Variants in TTC7B observed in about 807,000 individuals in gnomAD.
TTC7B encodes tetratricopeptide repeat domain 7B, also known as tetratricopeptide repeat protein 7B.
Under a neutral mutation model 106.8 loss-of-function variants are expected in TTC7B, and 28 were observed. The ratio of observed to expected loss-of-function variants is 0.26; its 90% CI spans 0.19 to 0.36. TTC7B has a LOEUF of 0.36. Among genes scored for constraint, TTC7B ranks in the 10% least tolerant of loss-of-function variants. TTC7B has a pLI of 1.00. For synonymous variants in TTC7B, 405 were observed against 430.6 expected (o/e 0.94, Z 0.74); for missense variants, 862 against 1,076.4 (o/e 0.80, Z 2.79).
At chr14:90,679,272 T>C (rs1208300659) in intron 8 of TTC7B, among the ~76,000 whole-genome samples, 1 of 152,162 alleles carries the variant, frequency 6.6e-6, no homozygotes, top group Non-Finnish European at 1.5e-5. Flanking sequence ...CAGTGGACCA[T>C]TCAAAGTTTT....
Position 90,531,524 on chromosome 14 carries a change from CAGG to C in TTC7B, c.*9841_*9843del, listed in dbSNP as rs1448260095. 2.0e-5 allele frequency: 3 copies of C among 150,072 alleles called. No homozygotes were observed. Among genetic ancestry groups the C allele is most frequent in the Non-Finnish European group, 4.4e-5 (3 of 67,856 alleles). The allele number at this position is 150,072 out of a possible 1,614,324, so 9.3% of individuals were successfully genotyped here. On this transcript the variant is annotated 3_prime_UTR_variant, in exon 20 of 20. Coordinates refer to ENST00000328459, the MANE Select transcript of TTC7B (RefSeq NM_001010854.2). ...ATCCCAGCCACTCGGGAGGCTGAGTCAGGAGAACAGCTTGAACCCAGGAGGCGG... is the reference window on the plus strand; with the variant it reads ...ATCCCAGCCACTCGGGAGGCTGAGTCAGAACAGCTTGAACCCAGGAGGCGG...
At chr14:90,689,792 A>G (rs1887397861) in intron 6 of TTC7B, 80 bp from the exon 7 acceptor site, 1 of 1,494,884 alleles carries the variant, frequency 6.7e-7, no homozygotes, top group East Asian at 2.3e-5. Context: ...ATAAATATTT[A>G]TATCATCACA....
intron 15 of TTC7B, among the ~76,000 whole-genome samples, chr14:90,633,353 G>T (rs942173528): frequency 6.6e-6 from 1 of 152,186 alleles, no homozygotes; most frequent in Non-Finnish European, 1.5e-5. Context: ...AAAAATCTAT[G>T]GAAGAATTGC....
intron 3 of TTC7B, among the ~76,000 whole-genome samples, chr14:90,767,526 C>T (rs552415297): frequency 6.6e-6 from 1 of 152,234 alleles, no homozygotes; most frequent in East Asian, 1.9e-4. Flanking sequence ...AGTCCAGCCC[C>T]CTTTTCCTTC....
chr14:90,552,222 C>T (rs910790089), intron 19 of TTC7B, among the ~76,000 whole-genome samples: 15 of 152,250 alleles, frequency 9.9e-5, no homozygotes, highest in African/African-American at 3.6e-4. Context: ...GGGACTCACA[C>T]GCTGCCACTC....
At chr14:90,670,204 A>G (rs1886578553) in intron 9 of TTC7B, among the ~76,000 whole-genome samples, 1 of 152,250 alleles carries the variant, frequency 6.6e-6, no homozygotes, top group South Asian at 2.1e-4. Flanking sequence ...TTGTTATAAC[A>G]TGGCTGAATC....
Position 90,525,611 on chromosome 14 carries a change from G to C in TTC7B, c.*15757C>G, listed in dbSNP as rs1047201255. 1.3e-5 allele frequency: 2 copies of C among 150,862 alleles called. No individual in the cohort carries two copies. The highest frequency in any genetic ancestry group is 3.0e-5 in the Non-Finnish European group (2 of 67,794). The allele number at this position is 150,862 out of a possible 1,614,324, so 9.3% of individuals were successfully genotyped here. The stretch of plus-strand genomic sequence containing the variant: ...AGACGCTGCTAGTGGTTCCGCAGTC[G>C]TCGCTGGGTCAGCTGTTTCGAGCGG... On this transcript the variant is annotated 3_prime_UTR_variant, in exon 20 of 20. Coordinates refer to ENST00000328459, the MANE Select transcript of TTC7B (RefSeq NM_001010854.2).
At chr14:90,622,940 C>T (rs541673120) in intron 15 of TTC7B, among the ~76,000 whole-genome samples, 2 of 152,260 alleles carry the variant, frequency 1.3e-5, no homozygotes, top group Non-Finnish European at 1.5e-5. Flanking sequence ...CCATCACCTA[C>T]GCCCCCACTC....
intron 4 of TTC7B, among the ~76,000 whole-genome samples, chr14:90,741,350 C>G (rs1889755395): frequency 6.6e-6 from 1 of 152,192 alleles, no homozygotes; most frequent in Non-Finnish European, 1.5e-5. Flanking sequence ...TCCAAAAACC[C>G]TCCCCAAATT....
At chr14:90,783,210 G>T (rs535291327) in intron 2 of TTC7B, among the ~76,000 whole-genome samples, 1 of 152,312 alleles carries the variant, frequency 6.6e-6, no homozygotes, top group South Asian at 2.1e-4. Flanking sequence ...CAGATGTCCT[G>T]ACTCCTAGTC....
At chr14:90,738,166 T>A (rs2139996312) in intron 4 of TTC7B, among the ~76,000 whole-genome samples, 1 of 152,256 alleles carries the variant, frequency 6.6e-6, no homozygotes, top group South Asian at 2.1e-4. Context: ...ATTAAAAAAA[T>A]TTCAACCTCA....
intron 15 of TTC7B, among the ~76,000 whole-genome samples, chr14:90,626,150 T>C (rs1884429406): frequency 6.6e-6 from 1 of 152,142 alleles, no homozygotes. Context: ...CCTGCCATGG[T>C]CTGATTTTAA....
intron 6 of TTC7B, among the ~76,000 whole-genome samples, chr14:90,692,213 TTTTG>T (rs1448833742): frequency 6.6e-6 from 1 of 152,210 alleles, no homozygotes; most frequent in Non-Finnish European, 1.5e-5. Flanking sequence ...CTGTGGTTTT[TTTTG>T]TTTGTTTTGA....
chr14:90,703,491 T>C (rs1422085723), intron 5 of TTC7B, among the ~76,000 whole-genome samples: 2 of 152,052 alleles, frequency 1.3e-5, no homozygotes, highest in African/African-American at 4.8e-5. Context: ...TTCCATTCAA[T>C]TGACAGGAGA....
At position 90,763,526 on chromosome 14, in the gene TTC7B, A is replaced by C. The variant is rs138898960; in HGVS notation, c.445+17212T>G. On this transcript the variant is annotated intron_variant, in intron 3 of 19. Coordinates refer to ENST00000328459, the MANE Select transcript of TTC7B (RefSeq NM_001010854.2). ...CTATCCAGCACAATTAGGCAATACA[A>C]AGCAACAAAGTCATCCAGATTGGAA... Among the ~76,000 whole-genome samples, 218 of 152,312 alleles carry C rather than the reference A, an allele frequency of 1.4e-3. 1 individual carries two copies. The highest frequency in any genetic ancestry group is 4.8e-3 in the African/African-American group (201 of 41,560).
chr14:90,587,198 C>T (rs971192377), intron 18 of TTC7B, among the ~76,000 whole-genome samples: 1 of 152,196 alleles, frequency 6.6e-6, no homozygotes, highest in Admixed American at 6.5e-5. Context: ...CGGACTCAGG[C>T]AATCCTCCCA....
In TTC7B at chr14:90,596,856, A is replaced by G. The variant is rs567343733; in HGVS notation, c.1967-3230T>C. Among the ~76,000 whole-genome samples, 5 of 152,330 alleles carry G rather than the reference A, an allele frequency of 3.3e-5. No homozygotes were observed. In the East Asian group the frequency reaches 7.7e-4, roughly 23 times the overall value. ...TGCAGGGAATGAACGAGTGCTGTCA[A>G]TAGACACTTCACTGTCTGAAATTCA... is the stretch of plus-strand genomic sequence containing the variant. On this transcript the variant is annotated intron_variant, in intron 17 of 19. Transcript: ENST00000328459.
intron 3 of TTC7B, among the ~76,000 whole-genome samples, chr14:90,771,153 C>A (rs1192384879): frequency 2.0e-5 from 3 of 152,138 alleles, no homozygotes; most frequent in African/African-American, 7.2e-5. Context: ...CATTTAATCT[C>A]ACTGAACTGT....
rs531993975 is a variant in TTC7B, at chr14:90,593,570, C to T, written c.2023G>A (p.Val675Met). 3.7e-6 allele frequency: 6 copies of T among 1,612,726 alleles called. No homozygotes were observed. In the African/African-American group the frequency reaches 8.0e-5, roughly 21 times the overall value. Residue 675 changes from valine to methionine, a missense_variant, in exon 18 of 20, where the codon GTG becomes ATG. By Grantham distance (21) the Val-to-Met change is conservative. Coordinates refer to ENST00000328459, the MANE Select transcript of TTC7B (RefSeq NM_001010854.2). ...GCACTGCTCTGCAGAGACGAAGCCA[C>T]TTCCGACAGTGCCTGCTCCACTCTT... Reference protein sequence around the residue: ...ASRVEQALSEVASSLQSSAPK... With the variant: ...ASRVEQALSEMASSLQSSAPK...
Sources: allele counts gnomAD v4.1 joint callset (sites outside exome capture counted in the v4.1 genomes callset), GRCh38; gene constraint gnomAD v4.1.1; transcripts MANE v1.5; gene names NCBI Gene and HGNC (gene_info 2026-07-23, HGNC 2026-07-21).